Variants in SLFN5 observed in about 807,000 individuals in gnomAD.
The protein encoded by SLFN5 is schlafen family member 5.
SLFN5 carries 34 observed loss-of-function variants against 48.5 expected under a neutral mutation model. The ratio of observed to expected loss-of-function variants is 0.70; its 90% confidence interval spans 0.53 to 0.93. The LOEUF (loss-of-function observed/expected upper bound fraction) is 0.93, where lower values mean the gene tolerates loss of function less well. Ranked by LOEUF, SLFN5 falls within the 40% of genes least tolerant of loss-of-function variation. The pLI is 0.00. For missense variants in SLFN5, 1,006 were observed against 1,071.3 expected (o/e 0.94, Z 0.85); for synonymous variants, 387 against 396.2 (o/e 0.98, Z 0.28).
In SLFN5 at chr17:35,259,029, A is replaced by G. The variant is rs1170828788; in HGVS notation, c.339A>G (p.Leu113=). The change falls in exon 2 of 5, where the codon TTA becomes TTG. Residue 113 remains leucine, a synonymous_variant. Coordinates refer to ENST00000299977, the MANE Select transcript of SLFN5 (RefSeq NM_144975.4). ...NTEAGVPLAT[L]CSNLYHRERT... is the part of the protein sequence containing the mutation. The stretch of plus-strand genomic sequence containing the variant: ...AGGCTGGTGTGCCACTTGCTACCTT[A>G]TGCTCCAATTTGTACCACAGAGAGA... 6 of 1,614,182 alleles carry G rather than the reference A, an allele frequency of 3.7e-6. No individual in the cohort carries two copies. Among genetic ancestry groups the G allele is most frequent in the South Asian group, 1.1e-5 (1 of 91,092 alleles).
chr17:35,264,142 C>A, intron 3 of SLFN5, 41 bp from the exon 4 acceptor site: 2 of 1,531,154 alleles, frequency 1.3e-6, no homozygotes, highest in Non-Finnish European at 1.7e-6. Context: ...ACTAGCTTGT[C>A]TGAGGCTTTT....
rs1210069815 is a variant in SLFN5, at chr17:35,265,904, T to C, written c.*16T>C. ...TTCTGTGTGACAGGAAACCCAAGCC[T>C]AAGAAACAATTAAGTGGTTCTCATC... On this transcript the variant is annotated 3_prime_UTR_variant, in exon 5 of 5. Transcript: ENST00000299977. 3 of 1,558,860 alleles carry C rather than the reference T, an allele frequency of 1.9e-6. No individual in the cohort carries two copies. Among genetic ancestry groups the C allele is most frequent in the East Asian group, 2.2e-5 (1 of 44,470 alleles).
Position 35,265,362 on chromosome 17 carries a change from C to A in SLFN5, c.2150C>A (p.Pro717Gln). 6.2e-7 allele frequency: 1 copy of A among 1,614,134 alleles called. No homozygotes were observed. The highest frequency in any genetic ancestry group is 8.5e-7 in the Non-Finnish European group (1 of 1,180,024). The change falls in exon 5 of 5, where the codon CCA becomes CAA. Residue 717 changes from proline to glutamine, a missense_variant. Coordinates refer to ENST00000299977, the MANE Select transcript of SLFN5 (RefSeq NM_144975.4). Reference sequence around the variant, plus strand: ...AACAGAGTGGTCCGCAATGCAGGTCCAATAGCTAATTACCTACAACAAGTA... The same window carrying A: ...AACAGAGTGGTCCGCAATGCAGGTCAAATAGCTAATTACCTACAACAAGTA... ...EINRVVRNAG[P>Q]IANYLQQVMQ...
At chr17:35,259,825 C>A in intron 2 of SLFN5, 123 bp downstream of exon 2, 1 of 1,131,810 alleles carries the variant, frequency 8.8e-7, no homozygotes, top group Non-Finnish European at 1.2e-6. Flanking sequence ...CTCTGATTTG[C>A]AATTGTCTGA....
rs1047325435 is a variant in SLFN5, at chr17:35,272,187, T to C, written c.*6299T>C. On this transcript the variant is annotated 3_prime_UTR_variant, in exon 5 of 5. Transcript: ENST00000299977. The stretch of plus-strand genomic sequence containing the variant: ...GTGGTGCTGATATGTGGAGGGTCAA[T>C]GGAACAAGATGAAATGGCCAAAAAT... 6.6e-6 allele frequency: 1 copy of C among 152,166 alleles called. No homozygotes were observed. Among genetic ancestry groups the C allele is most frequent in the African/African-American group, 2.4e-5 (1 of 41,428 alleles). 9.4% of individuals were successfully genotyped at this position (152,166 alleles called of 1,614,324 possible). A position where few individuals can be genotyped will look rare whatever the true frequency, so the allele number is the denominator to read the frequency against.
At position 35,265,659 on chromosome 17, in the gene SLFN5, T is replaced by G. The variant is rs1338447582; in HGVS notation, c.2447T>G (p.Leu816Arg). 6.2e-7 allele frequency: 1 copy of G among 1,614,110 alleles called. No individual in the cohort carries two copies. The highest frequency in any genetic ancestry group is 1.3e-5 in the African/African-American group (1 of 74,940). ...RLLTAMRKRK[L>R]SQLHEESDLL... is the part of the protein sequence containing the mutation. ...CTAACAGCAATGAGGAAGAGAAAAC[T>G]GTCTCAGCTCCATGAGGAGTCTGAT... Residue 816 changes from leucine to arginine, a missense_variant, in exon 5 of 5, where the codon CTG becomes CGG. Physicochemically the swap from Leu to Arg is moderately radical, Grantham distance 102. Coordinates refer to ENST00000299977, the MANE Select transcript of SLFN5 (RefSeq NM_144975.4).
chr17:35,262,102 C>T (rs1257956093), intron 3 of SLFN5, among the ~76,000 whole-genome samples: 2 of 151,806 alleles, frequency 1.3e-5, no homozygotes, highest in African/African-American at 2.4e-5. Flanking sequence ...AAGTAGTGGC[C>T]AGGCACAGTG....
chr17:35,266,142 A>ATGTGTGTGTG lies in SLFN5; in HGVS notation c.*281_*290dup, dbSNP rs58644233. On this transcript the variant is annotated 3_prime_UTR_variant, in exon 5 of 5. Coordinates refer to ENST00000299977, the MANE Select transcript of SLFN5 (RefSeq NM_144975.4). ...AATTAGAGGACCGTGAGACTCAGAG[A>ATGTGTGTGTG]TGTGTGTGTGTGTGTGTGTGTGTGT... 133 of 240,332 alleles carry ATGTGTGTGTG rather than the reference A, an allele frequency of 5.5e-4. 1 individual carries two copies. Among genetic ancestry groups the ATGTGTGTGTG allele is most frequent in the Middle Eastern group, 1.5e-3 (1 of 664 alleles). The allele number at this position is 240,332 out of a possible 1,614,324, so 14.9% of individuals were successfully genotyped here. A position where few individuals can be genotyped will look rare whatever the true frequency, so the allele number is the denominator to read the frequency against.
Position 35,273,376 on chromosome 17 carries a change from A to G in SLFN5, c.*7488A>G, listed in dbSNP as rs1243283511. The G allele has an allele frequency of 6.6e-6, 1 of 152,202 alleles. No homozygotes were observed. The highest frequency in any genetic ancestry group is 2.4e-5 in the African/African-American group (1 of 41,462). 9.4% of individuals were successfully genotyped at this position (152,202 alleles called of 1,614,324 possible). ...GCTTTTTATGACTTTTGGATTCTGT[A>G]CCACGTAATAATTTTGATGTAAATT... On this transcript the variant is annotated 3_prime_UTR_variant, in exon 5 of 5. Transcript: ENST00000299977.
intron 1 of SLFN5, among the ~76,000 whole-genome samples, chr17:35,256,086 C>T (rs974204802): frequency 1.3e-5 from 2 of 152,182 alleles, no homozygotes; most frequent in African/African-American, 2.4e-5. Flanking sequence ...AGGCTGGGCG[C>T]GGTGGCTTAC....
rs777714710 is a variant in SLFN5 at position 35,259,293 on chromosome 17, G to A, written c.603G>A (p.Ser201=). Residue 201 remains serine, a synonymous_variant, in exon 2 of 5, where the codon TCG becomes TCA. Transcript: ENST00000299977. Reference sequence around the variant, plus strand: ...CACATGTTGAATTTGTAATGTTCTCGACAGACGTGTCACACTGTGTTAAAG... The same window carrying A: ...CACATGTTGAATTTGTAATGTTCTCAACAGACGTGTCACACTGTGTTAAAG... ...ESTHVEFVMF[S]TDVSHCVKDR... is the part of the protein sequence containing the mutation. The A allele has an allele frequency of 9.3e-6, 15 of 1,614,018 alleles. No homozygotes were observed. Among genetic ancestry groups the A allele is most frequent in the East Asian group, 4.5e-5 (2 of 44,896 alleles).
Position 35,270,783 on chromosome 17 carries a change from C to T in SLFN5, c.*4895C>T, listed in dbSNP as rs1458110768. On this transcript the variant is annotated 3_prime_UTR_variant, in exon 5 of 5. Transcript: ENST00000299977. ...AGTAGCAAATCCACCACCCTCCCTC[C>T]CCTACCCCAGGGTTGGTTGTCAGTT... is the stretch of plus-strand genomic sequence containing the variant. 6.6e-6 allele frequency: 1 copy of T among 152,200 alleles called. No individual in the cohort carries two copies. Among genetic ancestry groups the T allele is most frequent in the East Asian group, 1.9e-4 (1 of 5,198 alleles). The allele number at this position is 152,200 out of a possible 1,614,324, so 9.4% of individuals were successfully genotyped here.
rs2671819 is a variant in SLFN5 at position 35,271,861 on chromosome 17, C to T, written c.*5973C>T. On this transcript the variant is annotated 3_prime_UTR_variant, in exon 5 of 5. Transcript: ENST00000299977. ...CCTGGACAACATGGTGAAATCCCGT[C>T]TCTATTTAAAATGCAAGAAATTAGC... 1 of 152,118 alleles carries T rather than the reference C, an allele frequency of 6.6e-6. No individual in the cohort carries two copies. The highest frequency in any genetic ancestry group is 1.5e-5 in the Non-Finnish European group (1 of 68,056). The allele number at this position is 152,118 out of a possible 1,614,324, so 9.4% of individuals were successfully genotyped here.
rs906275903 is a variant in SLFN5, at chr17:35,266,175, T to TGTGC, written c.*289_*292dup. 5.0e-6 allele frequency: 1 copy of TGTGC among 200,578 alleles called. No individual in the cohort carries two copies. Among genetic ancestry groups the TGTGC allele is most frequent in the Non-Finnish European group, 9.6e-6 (1 of 104,008 alleles). 12.4% of individuals were successfully genotyped at this position (200,578 alleles called of 1,614,324 possible). On this transcript the variant is annotated 3_prime_UTR_variant, in exon 5 of 5. Transcript: ENST00000299977. ...GTGTGTGTGTGTGTGTGTGTGTGTG[T>TGTGC]GTGCGCGCGCGCACGTGCACATGTG... is the stretch of plus-strand genomic sequence containing the variant.
chr17:35,265,496 G>A lies in SLFN5; in HGVS notation c.2284G>A (p.Glu762Lys), dbSNP rs1186658792. The A allele has an allele frequency of 6.2e-7, 1 of 1,614,210 alleles. No homozygotes were observed. The highest frequency in any genetic ancestry group is 8.5e-7 in the Non-Finnish European group (1 of 1,180,048). Residue 762 changes from glutamate (E) to lysine (K), a missense_variant, in exon 5 of 5, where the codon GAA becomes AAA. Glu to Lys is a moderately conservative substitution (Grantham distance 56). Transcript: ENST00000299977. Reference sequence around the variant, plus strand: ...TGTCCCAGGCAACTTAGAGATTATTGAAGACTTGAACTTGGAGGAGATACT... The same window carrying A: ...TGTCCCAGGCAACTTAGAGATTATTAAAGACTTGAACTTGGAGGAGATACT... ...QGVPGNLEII[E>K]DLNLEEILIY... is the part of the protein sequence containing the mutation.
At position 35,258,713 on chromosome 17, in the gene SLFN5, A is replaced by G. The variant is rs745513463; in HGVS notation, c.23A>G (p.Asp8Gly). The G allele has an allele frequency of 1.2e-6, 2 of 1,613,766 alleles. No individual in the cohort carries two copies. Among genetic ancestry groups the G allele is most frequent in the African/African-American group, 2.7e-5 (2 of 74,894 alleles). Residue 8 changes from aspartate (D) to glycine (G), a missense_variant, in exon 2 of 5, where the codon GAT (aspartate) becomes GGT (glycine). Physicochemically the swap from Asp to Gly is moderately conservative, Grantham distance 94. Coordinates refer to ENST00000299977, the MANE Select transcript of SLFN5 (RefSeq NM_144975.4). MSLRIDV[D>G]TNFPECVVDA... ...AAGATGAGTCTTAGGATTGATGTGG[A>G]TACAAACTTTCCTGAGTGTGTTGTA... is the stretch of plus-strand genomic sequence containing the variant.
rs941347204 is a variant in SLFN5 at position 35,261,520 on chromosome 17, C to G, written c.1138+424C>G. ...CCCATCTCTACAAAGTAGCAGCACTCTACTATGCCAGGCTAATTTTTTAAC... is the reference window on the plus strand; with the variant it reads ...CCCATCTCTACAAAGTAGCAGCACTGTACTATGCCAGGCTAATTTTTTAAC... On this transcript the variant is annotated intron_variant, in intron 3 of 4. Transcript: ENST00000299977. Among the ~76,000 whole-genome samples, 9 of 152,050 alleles carry G rather than the reference C, an allele frequency of 5.9e-5. 1 individual carries two copies. Among genetic ancestry groups the G allele is most frequent in the Admixed American group, 2.6e-4 (4 of 15,270 alleles).
intron 1 of SLFN5, among the ~76,000 whole-genome samples, chr17:35,247,841 G>A (rs763554069): frequency 6.6e-6 from 1 of 152,232 alleles, no homozygotes; most frequent in Non-Finnish European, 1.5e-5. Flanking sequence ...CCATGTCCAT[G>A]TGGACAAACT....
At chr17:35,243,316 A>G (rs2092423292) in intron 1 of SLFN5, among the ~76,000 whole-genome samples, 173 bp downstream of exon 1, 1 of 152,226 alleles carries the variant, frequency 6.6e-6, no homozygotes, top group Non-Finnish European at 1.5e-5. Flanking sequence ...TTGTTGACTC[A>G]GGAGCACCTC....
Sources: allele counts gnomAD v4.1 joint callset (sites outside exome capture counted in the v4.1 genomes callset), GRCh38; gene constraint gnomAD v4.1.1; transcripts MANE v1.5; gene names NCBI Gene and HGNC (gene_info 2026-07-23, HGNC 2026-07-21).